Variants in UBXN4 observed in about 807,000 individuals in gnomAD.
The protein encoded by UBXN4 is UBX domain protein 4, also known as UBX domain-containing protein 4.
Under a neutral mutation model 66.2 loss-of-function variants are expected in UBXN4, and 35 were observed. The observed-to-expected ratio is 0.53, with a 90% CI of 0.40 to 0.70. The LOEUF is 0.70. UBXN4 is among the 30% of genes least tolerant of loss of function. The probability of loss-of-function intolerance (pLI) is 0.00; values close to 1 mark genes in which losing one functional copy is unlikely to be tolerated. For missense variants in UBXN4, 533 were observed against 599.8 expected, an observed-to-expected ratio of 0.89 and a Z score of 1.16; for synonymous variants, 203 against 204.5, an observed-to-expected ratio of 0.99 and a Z score of 0.06.
At chr2:135,776,612 G>T (rs1266012806) in intron 10 of UBXN4, among the ~76,000 whole-genome samples, 1 of 152,098 alleles carries the variant, frequency 6.6e-6, no homozygotes, top group Non-Finnish European at 1.5e-5. Flanking sequence ...AAAATTTTTT[G>T]AGACAGGATC....
Position 135,779,011 on chromosome 2 carries a change from A to C in UBXN4, c.1117A>C (p.Lys373Gln), listed in dbSNP as rs754457755. The C allele has an allele frequency of 1.9e-6, 3 of 1,613,760 alleles. No homozygotes were observed. The African/African-American group carries it at 4.0e-5, about 22-fold the overall frequency. The change falls in exon 11 of 13, where the codon AAA (lysine) becomes CAA (glutamine). Residue 373 changes from lysine (K) to glutamine (Q), a missense_variant. Physicochemically the swap from Lys to Gln is moderately conservative, Grantham distance 53. This residue lies in a region of UBXN4 where 529 missense variants were observed against 580.1 expected (regional missense o/e 0.91). Coordinates refer to ENST00000272638, the MANE Select transcript of UBXN4 (RefSeq NM_014607.4). ...CATGTTTCCCAGGAGGGAATTTACCAAAGAAGATTATAAAAAGAAGTTACT... is the reference window on the plus strand; with the variant it reads ...CATGTTTCCCAGGAGGGAATTTACCCAAGAAGATTATAAAAAGAAGTTACT... The part of the protein sequence containing the change: ...ATMFPRREFT[K>Q]EDYKKKLLDL...
chr2:135,742,038 G>A, intron 1 of UBXN4, 27 bp downstream of exon 1: 2 of 1,609,074 alleles, frequency 1.2e-6, no homozygotes, highest in East Asian at 2.2e-5. Flanking sequence ...TTCGAGAGGC[G>A]GCCGGGACAC....
intron 1 of UBXN4, among the ~76,000 whole-genome samples, chr2:135,744,852 AG>A (rs1188841586): frequency 1.3e-5 from 2 of 152,350 alleles, no homozygotes; most frequent in East Asian, 3.9e-4. Flanking sequence ...CAGTAGTATT[AG>A]GAAAGTTGTC....
At chr2:135,780,970 A>G (rs1168380281) in intron 12 of UBXN4, among the ~76,000 whole-genome samples, 1 of 152,168 alleles carries the variant, frequency 6.6e-6, no homozygotes, top group African/African-American at 2.4e-5. Context: ...CACGCCTGTA[A>G]TCCCAGCACT....
intron 5 of UBXN4, among the ~76,000 whole-genome samples, chr2:135,761,297 A>G (rs2077314222): frequency 6.6e-6 from 1 of 152,248 alleles, no homozygotes; most frequent in Non-Finnish European, 1.5e-5. Context: ...TCTGGTCAGC[A>G]GAAGCAGATT....
intron 8 of UBXN4, among the ~76,000 whole-genome samples, chr2:135,771,073 G>C (rs557208616): frequency 7.0e-6 from 1 of 142,972 alleles, no homozygotes; most frequent in African/African-American, 2.9e-5. Flanking sequence ...TAAGTACCTA[G>C]TAGTTCTTCT....
Position 135,772,423 on chromosome 2 carries a change from C to A in UBXN4, c.826C>A (p.Arg276Ser). The A allele has an allele frequency of 1.2e-6, 2 of 1,613,636 alleles. No individual in the cohort carries two copies. Among genetic ancestry groups the A allele is most frequent in the Non-Finnish European group, 1.7e-6 (2 of 1,179,720 alleles). Residue 276 changes from arginine to serine, a missense_variant, in exon 9 of 13, where the codon CGT becomes AGT. Physicochemically the swap from Arg to Ser is moderately radical, Grantham distance 110 (BLOSUM62 -1). Around this residue, in one of 2 missense-constraint regions of UBXN4, gnomAD observed 529 missense variants for 580.1 expected, o/e 0.91. Transcript: ENST00000272638. ...ERIKQQIALD[R>S]AERAARFAKT... is the part of the protein sequence containing the mutation. The stretch of plus-strand genomic sequence containing the variant: ...GGTATTTAATGATGTTTTAAAGGAC[C>A]GTGCAGAGAGAGCTGCTCGTTTTGC...
At chr2:135,769,612 T>C (rs547746585) in intron 6 of UBXN4, among the ~76,000 whole-genome samples, 157 bp from the exon 7 acceptor site, 1 of 152,178 alleles carries the variant, frequency 6.6e-6, no homozygotes, top group Non-Finnish European at 1.5e-5. Flanking sequence ...CCAGGATTTC[T>C]GTAGGGGCCT....
chr2:135,780,636 C>G (rs1035418876), intron 12 of UBXN4, among the ~76,000 whole-genome samples: 1 of 152,198 alleles, frequency 6.6e-6, no homozygotes, highest in African/African-American at 2.4e-5. Flanking sequence ...TTTATTGTTT[C>G]ATTCATTGAA....
In UBXN4 at chr2:135,783,017, A is replaced by T; in HGVS notation, c.*130A>T. 5.1e-6 allele frequency: 5 copies of T among 985,888 alleles called. No individual in the cohort carries two copies. The highest frequency in any genetic ancestry group is 7.4e-6 in the Non-Finnish European group (5 of 679,970). The allele number at this position is 985,888 out of a possible 1,614,324, so 61.1% of individuals were successfully genotyped here. On this transcript the variant is annotated 3_prime_UTR_variant, in exon 13 of 13. Transcript: ENST00000272638. ...ATAAAATGTCTCTTTATTCCTGCTT[A>T]GTGGGTGTGGGTTGAAGGTGTTTAA...
At chr2:135,766,700 T>C (rs1422129186) in intron 6 of UBXN4, among the ~76,000 whole-genome samples, 1 of 152,184 alleles carries the variant, frequency 6.6e-6, no homozygotes, top group Non-Finnish European at 1.5e-5. Flanking sequence ...ACAAGTAATA[T>C]GAGATGTATG....
intron 6 of UBXN4, among the ~76,000 whole-genome samples, chr2:135,767,412 A>G (rs2077355493): frequency 6.6e-6 from 1 of 152,148 alleles, no homozygotes; most frequent in Non-Finnish European, 1.5e-5. Context: ...AAGCTTTCCT[A>G]ATGCCCCTTC....
Position 135,759,190 on chromosome 2 carries a change from A to G in UBXN4, c.509-2628A>G, listed in dbSNP as rs144790497. 8.1e-4 allele frequency among the ~76,000 whole-genome samples: 124 copies of G among 152,332 alleles called. 1 individual carries two copies. In the East Asian group the frequency reaches 0.018, roughly 22 times the overall value. On this transcript the variant is annotated intron_variant, in intron 5 of 12. Transcript: ENST00000272638. Reference sequence around the variant, plus strand: ...CTCGGTTTTTGTTATCTGTCTCCCTATATGACCACCCTTCCAGGTTATTTT... The same window carrying G: ...CTCGGTTTTTGTTATCTGTCTCCCTGTATGACCACCCTTCCAGGTTATTTT...
chr2:135,758,309 G>A (rs1327396561), intron 5 of UBXN4, among the ~76,000 whole-genome samples: 2 of 152,002 alleles, frequency 1.3e-5, no homozygotes, highest in African/African-American at 4.8e-5. Flanking sequence ...CCTGACCTCA[G>A]GTGATCTGCT....
chr2:135,762,878 G>T (rs1419714388), intron 6 of UBXN4, among the ~76,000 whole-genome samples: 4 of 152,284 alleles, frequency 2.6e-5, no homozygotes, highest in African/African-American at 9.6e-5. Flanking sequence ...GCACCACTCT[G>T]GGCTGAAGTG....
intron 10 of UBXN4, among the ~76,000 whole-genome samples, chr2:135,776,622 C>T (rs981706650): frequency 3.3e-5 from 5 of 152,186 alleles, no homozygotes; most frequent in Non-Finnish European, 5.9e-5. Flanking sequence ...GAGACAGGAT[C>T]TCACTGTGTC....
rs777595272 is a variant in UBXN4 at position 135,780,498 on chromosome 2, G to A, written c.1388+113G>A. 18 of 933,746 alleles carry A rather than the reference G, an allele frequency of 1.9e-5. 1 individual carries two copies. Among genetic ancestry groups the A allele is most frequent in the African/African-American group, 1.0e-4 (6 of 59,648 alleles). 57.8% of individuals were successfully genotyped at this position (933,746 alleles called of 1,614,324 possible). On this transcript the variant is annotated intron_variant, in intron 12 of 12. Transcript: ENST00000272638. ...TGTATATGTCCTCTCCAGTTCCCAC[G>A]GTGGAGGAGAAAAACTCCGATGCTC...
rs1029014982 is a variant in UBXN4, at chr2:135,755,671, C to T, written c.488C>T (p.Thr163Ile). ...TGTGAGATACCACCCACTTCTGATA[C>T]AAAGTCAGATACTGCAACAGGTAAC... ...ELCEIPPTSD[T>I]KSDTATGGES... is the part of the protein sequence containing the mutation. The change falls in exon 5 of 13, where the codon ACA (threonine) becomes ATA (isoleucine). Residue 163 changes from threonine (T) to isoleucine (I), a missense_variant. By Grantham distance (89) the Thr-to-Ile change is moderately conservative. Around this residue, in one of 2 missense-constraint regions of UBXN4, gnomAD observed 529 missense variants for 580.1 expected, o/e 0.91. Coordinates refer to ENST00000272638, the MANE Select transcript of UBXN4 (RefSeq NM_014607.4). The T allele has an allele frequency of 1.3e-6, 2 of 1,566,216 alleles. No individual in the cohort carries two copies. Among genetic ancestry groups the T allele is most frequent in the Admixed American group, 1.8e-5 (1 of 55,484 alleles).
At chr2:135,759,178 A>T (rs12616520) in intron 5 of UBXN4, among the ~76,000 whole-genome samples, 90,607 of 152,078 alleles carry the variant, frequency 0.6, 29,546 homozygotes, top group Non-Finnish European at 0.76. Flanking sequence ...GGTTTTTGTT[A>T]TCTGTCTCCC....
Sources: gnomAD v4.1 joint callset for allele counts (sites outside exome capture counted in the v4.1 genomes callset) on GRCh38, gnomAD v4.1.1 for gene constraint, gnomAD v4.1.1 regional missense constraint, MANE v1.5 for transcripts, NCBI Gene and HGNC (gene_info 2026-07-23, HGNC 2026-07-21) for gene names.